CCDC73: variants seen among roughly 807,000 people sequenced by gnomAD.
CCDC73 encodes coiled-coil domain-containing protein 73.
CCDC73 carries 95 observed loss-of-function variants against 116.5 expected under a neutral mutation model. The ratio of observed to expected loss-of-function variants is 0.82; its 90% CI spans 0.69 to 0.97. The LOEUF is 0.97. Among genes scored for constraint, CCDC73 ranks in the 50% least tolerant of loss-of-function variants. The pLI is 0.00. For synonymous variants in CCDC73, 398 were observed against 401.3 expected (o/e 0.99, Z 0.10); for missense variants, 1,066 against 1,206.8 (o/e 0.88, Z 1.73).
rs1855458640 is a variant in CCDC73, at chr11:32,614,691, TATCTAACACTACAAAATG to T, written c.1609_1626del (p.His537_Asp542del). ...TGTATTTTTTCTGTTTCTATTGCTG[TATCTAACACTACAAAATG>T]ATTATTTGGTGATTTAAATTCTGTA... On this transcript the variant is annotated inframe_deletion, in exon 16 of 18. Coordinates refer to ENST00000335185, the MANE Select transcript of CCDC73 (RefSeq NM_001008391.4). 6.2e-7 allele frequency: 1 copy of T among 1,612,378 alleles called. No individual in the cohort carries two copies. Among genetic ancestry groups the T allele is most frequent in the South Asian group, 1.1e-5 (1 of 91,042 alleles).
At chr11:32,703,850 A>AT (rs1480208402) in intron 3 of CCDC73, among the ~76,000 whole-genome samples, 2 of 152,106 alleles carry the variant, frequency 1.3e-5, no homozygotes, top group African/African-American at 2.4e-5. Context: ...TTCTTCTTCT[A>AT]TTTTTATCAA....
chr11:32,647,603 T>A (rs7940243), intron 12 of CCDC73, among the ~76,000 whole-genome samples: 4,277 of 152,304 alleles, frequency 0.028, 185 homozygotes, highest in African/African-American at 0.095. Flanking sequence ...TGGATTGATC[T>A]GGCTGAGCTA....
intron 2 of CCDC73, among the ~76,000 whole-genome samples, chr11:32,720,648 TAGTA>T (rs1849982674): frequency 6.6e-6 from 1 of 151,980 alleles, no homozygotes; most frequent in Non-Finnish European, 1.5e-5. Context: ...CTCCCAAAAA[TAGTA>T]AGTGAATTTA....
intron 3 of CCDC73, among the ~76,000 whole-genome samples, chr11:32,716,847 G>A (rs1849950609): frequency 6.6e-6 from 1 of 152,224 alleles, no homozygotes; most frequent in Non-Finnish European, 1.5e-5. Flanking sequence ...ACAGGCGTGA[G>A]CCACTGCAGT....
chr11:32,753,532 T>C (rs1850306175), intron 2 of CCDC73, among the ~76,000 whole-genome samples: 1 of 152,090 alleles, frequency 6.6e-6, no homozygotes, highest in African/African-American at 2.4e-5. Flanking sequence ...TGACATGATC[T>C]TGGCTTACTG....
the CCDC73 span, among the ~76,000 whole-genome samples, chr11:32,811,515 A>G: frequency 6.6e-6 from 1 of 152,160 alleles, no homozygotes; most frequent in Non-Finnish European, 1.5e-5. Flanking sequence ...CTGTAAAGGA[A>G]TACCTTAGAC....
rs271024 is a variant in CCDC73 at position 32,672,942 on chromosome 11, G to C, written c.645+2623C>G. ...CCAAGGAATATATAACCAATTTATT[G>C]GCAGTTGTAACAGTGAAGATATACA... On this transcript the variant is annotated intron_variant, in intron 9 of 17. Coordinates refer to ENST00000335185, the MANE Select transcript of CCDC73 (RefSeq NM_001008391.4). 4.5e-3 allele frequency among the ~76,000 whole-genome samples: 677 copies of C among 152,108 alleles called. 5 individuals are homozygous for C. The highest frequency in any genetic ancestry group is 0.015 in the African/African-American group (641 of 41,482).
chr11:32,675,537 T>G (rs1856078501), intron 9 of CCDC73, 28 bp downstream of exon 9: 1 of 1,334,092 alleles, frequency 7.5e-7, no homozygotes, highest in Non-Finnish European at 1.1e-6. Context: ...AATTTTTACT[T>G]AGTAGTGTGA....
At chr11:32,718,008 G>A (rs1590610907) in intron 3 of CCDC73, 68 bp downstream of exon 3, 5 of 1,070,708 alleles carry the variant, frequency 4.7e-6, no homozygotes, top group East Asian at 4.9e-5. Flanking sequence ...TTGACACGTG[G>A]GGGTTACGGG....
In CCDC73 at chr11:32,739,542, A is replaced by T. The variant is rs116008754; in HGVS notation, c.135+20567T>A. ...AAATGCTACTGGTTTTTGTATGATG[A>T]TTTTGTATTCTGCAACTTTACTGAA... On this transcript the variant is annotated intron_variant, in intron 2 of 17. Coordinates refer to ENST00000335185, the MANE Select transcript of CCDC73 (RefSeq NM_001008391.4). Among the ~76,000 whole-genome samples the T allele has an allele frequency of 2.0e-5, 3 of 152,084 alleles. No homozygotes were observed. The South Asian group carries it at 6.2e-4, about 32-fold the overall frequency.
chr11:32,659,966 G>C (rs1352376453), intron 9 of CCDC73, among the ~76,000 whole-genome samples: 10 of 152,064 alleles, frequency 6.6e-5, no homozygotes, highest in Admixed American at 6.6e-4. Context: ...TGGATCACAT[G>C]CTCATTCCTG....
the CCDC73 span, among the ~76,000 whole-genome samples, chr11:32,804,839 T>C: frequency 1.3e-5 from 2 of 152,212 alleles, no homozygotes; most frequent in African/African-American, 4.8e-5. Context: ...CTTCATTGAG[T>C]ATTTACATTA....
At chr11:32,693,079 G>A (rs1057366326) in intron 6 of CCDC73, among the ~76,000 whole-genome samples, 2 of 152,194 alleles carry the variant, frequency 1.3e-5, no homozygotes, top group African/African-American at 4.8e-5. Context: ...TTTGGAATAT[G>A]GTTTTTGTGT....
At chr11:32,797,918 C>A, upstream of CCDC73, among the ~76,000 whole-genome samples, 1 of 152,302 alleles carries the variant, frequency 6.6e-6, no homozygotes, top group Non-Finnish European at 1.5e-5. Context: ...AAATCTGAAA[C>A]TTTTTGAGCA....
chr11:32,826,404 A>G, the CCDC73 span, among the ~76,000 whole-genome samples: 32 of 152,304 alleles, frequency 2.1e-4, no homozygotes, highest in East Asian at 6.0e-3. Context: ...ACAGAGCTTC[A>G]TGGCTGCAAT....
the CCDC73 span, among the ~76,000 whole-genome samples, chr11:32,809,151 A>G: frequency 1.3e-5 from 2 of 152,382 alleles, no homozygotes; most frequent in African/African-American, 4.8e-5. Flanking sequence ...CTTAAACATC[A>G]TAAGCATCCA....
Position 32,718,154 on chromosome 11 carries a change from CA to C in CCDC73, c.136-8del. 1.3e-6 allele frequency: 2 copies of C among 1,578,244 alleles called. No individual in the cohort carries two copies. Among genetic ancestry groups the C allele is most frequent in the African/African-American group, 1.4e-5 (1 of 73,262 alleles). ...CATAATGAATTTCTGCTTCCTAAGT[CA>C]AAAAGAAAAAGAAAAGTGCTATAAA... On this transcript the variant is annotated splice_polypyrimidine_tract_variant and splice_region_variant and intron_variant, in intron 2 of 17. Coordinates refer to ENST00000335185, the MANE Select transcript of CCDC73 (RefSeq NM_001008391.4).
intron 1 of CCDC73, among the ~76,000 whole-genome samples, chr11:32,790,019 A>G (rs898053262): frequency 2.0e-5 from 3 of 152,208 alleles, no homozygotes; most frequent in African/African-American, 4.8e-5. Context: ...GAAAAACAGC[A>G]TAAGTAAAGG....
chr11:32,604,762 G>A (rs1741675106), intron 17 of CCDC73: 1 of 152,096 alleles, frequency 6.6e-6, no homozygotes, highest in Non-Finnish European at 1.5e-5. Flanking sequence ...TTTGGGTACT[G>A]CCTTACATTA....
Sources: allele counts gnomAD v4.1 joint callset (sites outside exome capture counted in the v4.1 genomes callset), GRCh38; gene constraint gnomAD v4.1.1; transcripts MANE v1.5; gene names NCBI Gene and HGNC (gene_info 2026-07-23, HGNC 2026-07-21).